NFILZ: variants seen among roughly 807,000 people sequenced by gnomAD.
NFILZ encodes the protein NFIL3 like protein.
At chr19:8,662,243 C>A (rs986638185) in intron 3 of NFILZ, among the ~76,000 whole-genome samples, 4 of 148,138 alleles carry the variant, frequency 2.7e-5, no homozygotes, top group African/African-American at 9.9e-5. Context: ...AGGAGGGGAG[C>A]AAAAGTGTCT....
intron 3 of NFILZ, among the ~76,000 whole-genome samples, chr19:8,654,289 C>G (rs1205315607): frequency 1.4e-5 from 2 of 141,658 alleles, no homozygotes; most frequent in Admixed American, 1.5e-4. Flanking sequence ...AAACCAAAAA[C>G]AAAAACCACT....
intron 3 of NFILZ, among the ~76,000 whole-genome samples, chr19:8,647,778 TGCGCGCGC>T (rs147345694): frequency 0.013 from 1,384 of 106,584 alleles, 18 homozygotes; most frequent in Middle Eastern, 0.062. Flanking sequence ...CACGCACACA[TGCGCGCGC>T]GCGCGCGCGC....
At chr19:8,674,494 A>G (rs1357535604) in intron 3 of NFILZ, among the ~76,000 whole-genome samples, 57 bp from the exon 4 acceptor site, 3 of 151,694 alleles carry the variant, frequency 2.0e-5, no homozygotes, top group Non-Finnish European at 4.4e-5. Flanking sequence ...TTTCTTGGGC[A>G]AATAAATTTG....
intron 3 of NFILZ, among the ~76,000 whole-genome samples, chr19:8,656,499 C>CCCACCTTCTCTCTGA (rs2043003710): frequency 1.2e-4 from 4 of 32,804 alleles, no homozygotes; most frequent in African/African-American, 2.5e-4. Flanking sequence ...CCTTCTCCCG[C>CCCACCTTCTCTCTGA]AGCCCACCTT....
chr19:8,658,079 A>T (rs1299071957), intron 3 of NFILZ, among the ~76,000 whole-genome samples: 2 of 152,174 alleles, frequency 1.3e-5, no homozygotes, highest in Non-Finnish European at 1.5e-5. Flanking sequence ...CATTCCAGGC[A>T]GAGGGCACAG....
intron 3 of NFILZ, among the ~76,000 whole-genome samples, chr19:8,670,136 T>C (rs1310135034): frequency 2.6e-5 from 4 of 151,416 alleles, no homozygotes; most frequent in Non-Finnish European, 5.9e-5. Context: ...AGGGTCTCAC[T>C]CTGATGCCCA....
rs1325102346 is a variant in NFILZ, at chr19:8,678,414, A to C, written c.*779A>C. Reference sequence around the variant, plus strand: ...CATCCACCCATCCACCTATCTATGCATGCATCCATCCATCCTCATCCACTC... The same window carrying C: ...CATCCACCCATCCACCTATCTATGCCTGCATCCATCCATCCTCATCCACTC... On this transcript the variant is annotated 3_prime_UTR_variant, in exon 6 of 6. Transcript: ENST00000691075. Among the ~76,000 whole-genome samples, 1 of 151,204 alleles carries C rather than the reference A, an allele frequency of 6.6e-6. No homozygotes were observed. Among genetic ancestry groups the C allele is most frequent in the Non-Finnish European group, 1.5e-5 (1 of 67,748 alleles).
intron 3 of NFILZ, among the ~76,000 whole-genome samples, chr19:8,653,030 TTCTTTCTTTCTCTC>T (rs2042974787): frequency 1.0e-4 from 6 of 59,574 alleles, no homozygotes; most frequent in African/African-American, 3.2e-4. Context: ...CTTTCTTTCT[TTCTTTCTTTCTCTC>T]TCTCTCTCTC....
rs1555748372 is a variant in NFILZ, at chr19:8,656,312, ACCTCCTCCCTGAAGCCC to A, written c.-163-18235_-163-18219del. On this transcript the variant is annotated intron_variant, in intron 3 of 5. Coordinates refer to ENST00000691075, the MANE Select transcript of NFILZ (RefSeq NM_001378600.1). ...CACAGCCCACCTCCTCCCGCAGCGC[ACCTCCTCCCTGAAGCCC>A]CCTTCTTCCTGAAGCCCACCTCTTC... 8.9e-5 allele frequency among the ~76,000 whole-genome samples: 6 copies of A among 67,448 alleles called. No individual in the cohort carries two copies. The East Asian group carries it at 2.6e-3, about 29-fold the overall frequency. 44.2% of individuals were successfully genotyped at this position (67,448 alleles called of 152,430 possible).
At chr19:8,662,910 T>C (rs549033104) in intron 3 of NFILZ, among the ~76,000 whole-genome samples, 1 of 152,030 alleles carries the variant, frequency 6.6e-6, no homozygotes, top group East Asian at 1.9e-4. Flanking sequence ...ATTACATGCA[T>C]GAGCCACCGT....
At position 8,678,366 on chromosome 19, in the gene NFILZ, A is replaced by G. The variant is rs201730845; in HGVS notation, c.*731A>G. On this transcript the variant is annotated 3_prime_UTR_variant, in exon 6 of 6. Transcript: ENST00000691075. ...CATCCATGCATTTGTTTTTCCTTCT[A>G]TCTATCCATCCATCCATTCATTCAT... 1.1e-5 allele frequency among the ~76,000 whole-genome samples: 1 copy of G among 94,676 alleles called. No individual in the cohort carries two copies. Among genetic ancestry groups the G allele is most frequent in the Non-Finnish European group, 2.4e-5 (1 of 41,428 alleles). 62.1% of individuals were successfully genotyped at this position (94,676 alleles called of 152,430 possible). A position where few individuals can be genotyped will look rare whatever the true frequency, so the allele number is the denominator to read the frequency against.
chr19:8,656,253 CAGCCCATCTTCTCTCTGA>C (rs1412766288), intron 3 of NFILZ, among the ~76,000 whole-genome samples: 2 of 121,302 alleles, frequency 1.6e-5, no homozygotes, highest in African/African-American at 3.6e-5. Flanking sequence ...CTTCTCCACG[CAGCCCATCTTCTCTCTGA>C]AGCCCACCTT....
intron 3 of NFILZ, among the ~76,000 whole-genome samples, chr19:8,670,088 C>T (rs76704871): frequency 0.023 from 3,553 of 151,642 alleles, 147 homozygotes; most frequent in African/African-American, 0.081. Context: ...TGAGAGCTCA[C>T]CTAATCTGAC....
intron 3 of NFILZ, among the ~76,000 whole-genome samples, chr19:8,657,858 C>T (rs1244206911): frequency 6.6e-6 from 1 of 152,168 alleles, no homozygotes; most frequent in Non-Finnish European, 1.5e-5. Flanking sequence ...CACTGGCTCA[C>T]ATGGGCCAAA....
chr19:8,651,641 C>T (rs1815668919), intron 3 of NFILZ, among the ~76,000 whole-genome samples: 1 of 152,178 alleles, frequency 6.6e-6, no homozygotes, highest in South Asian at 2.1e-4. Flanking sequence ...ATGCGATCCT[C>T]CTACCTCAGT....
At chr19:8,656,388 C>CT (rs2042998583) in intron 3 of NFILZ, among the ~76,000 whole-genome samples, 9 of 91,544 alleles carry the variant, frequency 9.8e-5, no homozygotes, top group African/African-American at 3.0e-4. Context: ...AGCCCACCTT[C>CT]TCCCGCAGCC....
chr19:8,636,685 G>A (rs577110822), intron 3 of NFILZ, among the ~76,000 whole-genome samples: 3 of 151,670 alleles, frequency 2.0e-5, no homozygotes, highest in Admixed American at 1.3e-4. Flanking sequence ...TTGAACTCCC[G>A]ACCTCAGGTG....
chr19:8,656,704 A>G (rs907127751), intron 3 of NFILZ, among the ~76,000 whole-genome samples: 1 of 152,226 alleles, frequency 6.6e-6, no homozygotes, highest in Admixed American at 6.5e-5. Flanking sequence ...ATGGAAGAGC[A>G]TGGCCTCCTT....
Position 8,678,092 on chromosome 19 carries a change from T to TCATTAGTTTATCCATCCTCAC in NFILZ, c.*458_*459insATTAGTTTATCCATCCTCACC, listed in dbSNP as rs2043123297. On this transcript the variant is annotated 3_prime_UTR_variant, in exon 6 of 6. Coordinates refer to ENST00000691075, the MANE Select transcript of NFILZ (RefSeq NM_001378600.1). ...TCCATCCATCAATCCATCCATCCAT[T>TCATTAGTTTATCCATCCTCAC]CCATCCATCCATCCATCCATCCATC... 1.8e-4 allele frequency among the ~76,000 whole-genome samples: 1 copy of TCATTAGTTTATCCATCCTCAC among 5,460 alleles called. No individual in the cohort carries two copies. Among genetic ancestry groups the TCATTAGTTTATCCATCCTCAC allele is most frequent in the Admixed American group, 2.0e-3 (1 of 500 alleles). The allele number at this position is 5,460 out of a possible 152,430, so 3.6% of individuals were successfully genotyped here. A position where few individuals can be genotyped will look rare whatever the true frequency, so the allele number is the denominator to read the frequency against.
Sources: allele counts gnomAD v4.1 joint callset (sites outside exome capture counted in the v4.1 genomes callset), GRCh38; gene constraint gnomAD v4.1.1; transcripts MANE v1.5; gene names NCBI Gene and HGNC (gene_info 2026-07-23, HGNC 2026-07-21).